The following NR5A1 variants were observed in gnomAD, a reference collection of about 807,000 sequenced individuals.
NR5A1 encodes the protein nuclear receptor subfamily 5 group A member 1.
NR5A1 carries 6 observed loss-of-function variants against 42.7 expected under a neutral mutation model. The ratio of observed to expected loss-of-function variants is 0.14; its 90% CI spans 0.08 to 0.28. The LOEUF (loss-of-function observed/expected upper bound fraction) is 0.28, where lower values mean the gene tolerates loss of function less well. Among genes scored for constraint, NR5A1 ranks in the 10% least tolerant of loss-of-function variants. The probability of loss-of-function intolerance (pLI) is 1.00; values close to 1 mark genes in which losing one functional copy is unlikely to be tolerated. For synonymous variants in NR5A1, 274 were observed against 277.5 expected (o/e 0.99, Z 0.12); for missense variants, 442 against 626.4 (o/e 0.71, Z 3.14).
In NR5A1 at chr9:124,500,708, G is replaced by C. The variant is rs548473217; in HGVS notation, c.252C>G (p.Arg84=). ...TCCGGCCACCCCTCATACGGTCAGC[G>C]CGCACGGCTGTGGGCAGGGGCAGAG... ...LTVGMRLEAV[R]ADRMRGGRNK... is the part of the protein sequence containing the mutation. The change falls in exon 4 of 7, where the codon CGC becomes CGG. Residue 84 remains arginine (R), a synonymous_variant. Transcript: ENST00000373588. The surrounding 1 kb of genome is among the most constrained non-coding windows in gnomAD (Gnocchi z 6.9). 6.2e-7 allele frequency: 1 copy of C among 1,612,750 alleles called. No individual in the cohort carries two copies. The highest frequency in any genetic ancestry group is 1.7e-5 in the Admixed American group (1 of 60,024).
intron 4 of NR5A1, among the ~76,000 whole-genome samples, chr9:124,497,850 C>T (rs941395487): frequency 5.3e-5 from 8 of 152,222 alleles, no homozygotes; most frequent in Non-Finnish European, 1.0e-4. Flanking sequence ...TTCCCTGAAC[C>T]TTCTCTACTT....
intron 4 of NR5A1, among the ~76,000 whole-genome samples, chr9:124,499,879 AAGG>A (rs1385825887): frequency 3.3e-5 from 5 of 152,176 alleles, no homozygotes; most frequent in Admixed American, 6.5e-5. Flanking sequence ...GCAGAGGCTC[AAGG>A]AGGAGAGAAG....
In NR5A1 at chr9:124,494,750, C is replaced by T. The variant is rs1478670267; in HGVS notation, c.871-1601G>A. Among the ~76,000 whole-genome samples the T allele has an allele frequency of 2.6e-5, 4 of 152,078 alleles. No homozygotes were observed. The East Asian group carries it at 7.7e-4, about 29-fold the overall frequency. On this transcript the variant is annotated intron_variant, in intron 4 of 6. Transcript: ENST00000373588. ...GCCACTCACCACCTGGGGCCAGAGA[C>T]TCAGAGAGACCACTCCCCACTGGGG...
rs180781173 is a variant in NR5A1 at position 124,498,726 on chromosome 9, G to C, written c.870+1364C>G. On this transcript the variant is annotated intron_variant, in intron 4 of 6. Transcript: ENST00000373588. This position sits in a 1 kb window ranked among gnomAD's most constrained non-coding sequence, Gnocchi z 4.6. ...TCCATTAGGTCGGACCAGAGAGGCG[G>C]GCAGTGTTGAGAAGGGGCTGGGGTG... 4.4e-3 allele frequency among the ~76,000 whole-genome samples: 664 copies of C among 152,324 alleles called. 1 individual carries two copies. Among genetic ancestry groups the C allele is most frequent in the South Asian group, 7.5e-3 (36 of 4,822 alleles).
intron 4 of NR5A1, among the ~76,000 whole-genome samples, chr9:124,499,446 A>G (rs1219046135): frequency 6.6e-6 from 1 of 152,206 alleles, no homozygotes; most frequent in African/African-American, 2.4e-5. Context: ...ACCCACACAC[A>G]TGCACATGAC....
At chr9:124,491,037 G>A (rs750025915) in intron 6 of NR5A1, 44 bp downstream of exon 6, 9 of 302,894 alleles carry the variant, frequency 3.0e-5, no homozygotes, top group Admixed American at 5.9e-5. Flanking sequence ...CCACCCACCC[G>A]CCTCTGGCTG....
intron 1 of NR5A1, among the ~76,000 whole-genome samples, chr9:124,504,365 G>T (rs548968055): frequency 8.5e-5 from 13 of 152,308 alleles, no homozygotes; most frequent in Non-Finnish European, 1.9e-4. Flanking sequence ...CCAGACGGGG[G>T]CCCGGGCCGC....
chr9:124,499,945 A>T, intron 4 of NR5A1, 145 bp downstream of exon 4: 1 of 1,092,554 alleles, frequency 9.2e-7, no homozygotes, highest in Non-Finnish European at 1.4e-6. Flanking sequence ...AATGCTCCTT[A>T]ATGTCCCCAG....
chr9:124,484,103 C>T (rs1832171497), intron 6 of NR5A1, among the ~76,000 whole-genome samples: 1 of 152,172 alleles, frequency 6.6e-6, no homozygotes. Flanking sequence ...TACAATAAAG[C>T]GTTGAACATC....
At position 124,501,246 on chromosome 9, in the gene NR5A1, G is replaced by C. The variant is rs1832466715; in HGVS notation, c.245-531C>G. 6.6e-6 allele frequency among the ~76,000 whole-genome samples: 1 copy of C among 152,098 alleles called. No homozygotes were observed. Among genetic ancestry groups the C allele is most frequent in the Admixed American group, 6.6e-5 (1 of 15,266 alleles). On this transcript the variant is annotated intron_variant, in intron 3 of 6. Coordinates refer to ENST00000373588, the MANE Select transcript of NR5A1 (RefSeq NM_004959.5). The surrounding 1 kb of genome is among the most constrained non-coding windows in gnomAD (Gnocchi z 4.1). ...GAGATGGTGACCGGAAGGGGACCCT[G>C]GTCAGCCTTGTTCACCGCTGGCCCC...
At chr9:124,495,922 G>A (rs146289735) in intron 4 of NR5A1, among the ~76,000 whole-genome samples, 9 of 152,318 alleles carry the variant, frequency 5.9e-5, no homozygotes, top group East Asian at 3.9e-4. Context: ...GCCCCCATCC[G>A]GCCATGCATC....
At chr9:124,488,898 A>G (rs1032890438) in intron 6 of NR5A1, among the ~76,000 whole-genome samples, 2 of 152,124 alleles carry the variant, frequency 1.3e-5, no homozygotes, top group African/African-American at 4.8e-5. Context: ...TCTCCCCTCA[A>G]CTCAGCCTGT....
chr9:124,503,544 C>A lies in NR5A1; in HGVS notation c.-15-134G>T. 1.5e-6 allele frequency: 1 copy of A among 645,378 alleles called. No homozygotes were observed. The highest frequency in any genetic ancestry group is 2.4e-6 in the Non-Finnish European group (1 of 414,280). The allele number at this position is 645,378 out of a possible 1,614,324, so 40.0% of individuals were successfully genotyped here. A position where few individuals can be genotyped will look rare whatever the true frequency, so the allele number is the denominator to read the frequency against. On this transcript the variant is annotated intron_variant, in intron 1 of 6. Transcript: ENST00000373588. This position sits in a 1 kb window ranked among gnomAD's most constrained non-coding sequence, Gnocchi z 9.6. ...GTGCCCAGGCGCTGCCGCCGGCACC[C>A]ACCGAGCGCCCCGCGCAGCGTCCCG...
At chr9:124,505,408 C>A (rs1445720537) in intron 1 of NR5A1, among the ~76,000 whole-genome samples, 4 of 152,180 alleles carry the variant, frequency 2.6e-5, no homozygotes, top group African/African-American at 9.6e-5. Flanking sequence ...CCCATGGGGC[C>A]CACCACATCT....
Position 124,503,444 on chromosome 9 carries a change from G to A in NR5A1, c.-15-34C>T, listed in dbSNP as rs1356266316. ...GGACAGCGGGTCAGGGAGGGCCGGC[G>A]GAGACCGGCAGCCTGGGGTCCCCGC... On this transcript the variant is annotated intron_variant, in intron 1 of 6. Transcript: ENST00000373588. This position sits in a 1 kb window ranked among gnomAD's most constrained non-coding sequence, Gnocchi z 9.6. 6.5e-7 allele frequency: 1 copy of A among 1,546,270 alleles called. No individual in the cohort carries two copies. Among genetic ancestry groups the A allele is most frequent in the African/African-American group, 1.4e-5 (1 of 72,850 alleles).
Position 124,500,497 on chromosome 9 carries a change from C to A in NR5A1, c.463G>T (p.Gly155Cys), listed in dbSNP as rs376480904. 4 of 1,603,654 alleles carry A rather than the reference C, an allele frequency of 2.5e-6. No individual in the cohort carries two copies. In the East Asian group the frequency reaches 9.0e-5, roughly 36 times the overall value. The change falls in exon 4 of 7, where the codon GGT (glycine) becomes TGT (cysteine). Residue 155 changes from glycine (G) to cysteine (C), a missense_variant. Around this residue, in one of 3 missense-constraint regions of NR5A1, gnomAD observed 208 missense variants for 203.8 expected, o/e 1.02. Transcript: ENST00000373588. The surrounding 1 kb of genome is among the most constrained non-coding windows in gnomAD (Gnocchi z 6.9). ...HGPEPKGLAAGPPAGPLGDFG... is the reference protein window; with the variant it reads ...HGPEPKGLAACPPAGPLGDFG... ...TCGCCCAGTGGCCCAGCAGGTGGAC[C>A]GGCGGCCAGGCCCTTGGGCTCAGGC...
chr9:124,494,595 AG>A (rs1308362425), intron 4 of NR5A1, among the ~76,000 whole-genome samples: 1 of 152,208 alleles, frequency 6.6e-6, no homozygotes, highest in East Asian at 1.9e-4. Context: ...GCCCCAGAGC[AG>A]TGGTCAGAGG....
Position 124,503,064 on chromosome 9 carries a change from CCGCGCGG to C in NR5A1, c.244+8_244+14del, listed in dbSNP as rs768081121. 6.4e-7 allele frequency: 1 copy of C among 1,560,426 alleles called. No homozygotes were observed. The highest frequency in any genetic ancestry group is 1.2e-5 in the South Asian group (1 of 85,386). On this transcript the variant is annotated splice_region_variant and intron_variant, in intron 3 of 6. Coordinates refer to ENST00000373588, the MANE Select transcript of NR5A1 (RefSeq NM_004959.5). This position sits in a 1 kb window ranked among gnomAD's most constrained non-coding sequence, Gnocchi z 9.6. The stretch of plus-strand genomic sequence containing the variant: ...GCTGTGGGGGGTCAGGGGTCGAGGC[CCGCGCGG>C]CGCGCACCTTCCAGGCGCATCCCCA...
intron 1 of NR5A1, among the ~76,000 whole-genome samples, chr9:124,506,362 A>AC (rs955675848): frequency 6.6e-6 from 1 of 151,824 alleles, no homozygotes; most frequent in Non-Finnish European, 1.5e-5. Flanking sequence ...TGTTAATCGT[A>AC]CCCCCCGCAC....
Sources: allele counts gnomAD v4.1 joint callset (sites outside exome capture counted in the v4.1 genomes callset), GRCh38; gene constraint gnomAD v4.1.1; regional missense constraint gnomAD v4.1.1; non-coding constraint Gnocchi (gnomAD v3.1); transcripts MANE v1.5; gene names NCBI Gene and HGNC (gene_info 2026-07-23, HGNC 2026-07-21).